AMER1: variants seen among roughly 807,000 people sequenced by gnomAD.
AMER1 encodes RP11-403E24.2.
AMER1 carries 16 observed loss-of-function variants against 53.0 expected under a neutral mutation model. The observed-to-expected ratio is 0.30, with a 90% confidence interval of 0.20 to 0.46. The LOEUF is 0.46. Among genes scored for constraint, AMER1 ranks in the 20% least tolerant of loss-of-function variants. The probability of loss-of-function intolerance (pLI) is 1.00; values close to 1 mark genes in which losing one functional copy is unlikely to be tolerated. For missense variants in AMER1, 947 were observed against 884.9 expected (o/e 1.07, Z -0.89); for synonymous variants, 354 against 331.9 (o/e 1.07, Z -0.73).
chrX:64,203,782 T>C (rs1440080076), intron 1 of AMER1, among the ~76,000 whole-genome samples: 5 of 111,378 alleles, frequency 4.5e-5, no homozygotes, highest in Non-Finnish European at 7.5e-5. Flanking sequence ...ATTAGGTGCC[T>C]GCTGGCCTGA....
chrX:64,198,520 T>C (rs1930422381), intron 1 of AMER1, among the ~76,000 whole-genome samples: 1 of 111,714 alleles, frequency 9.0e-6, no homozygotes. Flanking sequence ...AGTCTCAATT[T>C]CATGCCATTC....
At position 64,189,793 on chromosome X, in the gene AMER1, A is replaced by AGGGGGGGCCCC; in HGVS notation, c.*85_*86insGGGGCCCCCCC. The AGGGGGGGCCCC allele has an allele frequency of 3.4e-6, 1 of 292,065 alleles. No individual in the cohort carries two copies. Among genetic ancestry groups the AGGGGGGGCCCC allele is most frequent in the Non-Finnish European group, 4.9e-6 (1 of 204,823 alleles). The allele number at this position is 292,065 out of a possible 1,213,427, so 24.1% of individuals were successfully genotyped here. ...CAAAGGGTTTTCAAGTTAAACAACA[A>AGGGGGGGCCCC]CCCCCACCCCCCCACCCTTCTGCCC... is the stretch of plus-strand genomic sequence containing the variant. On this transcript the variant is annotated 3_prime_UTR_variant, in exon 2 of 2. Coordinates refer to ENST00000374869, the MANE Select transcript of AMER1 (RefSeq NM_152424.4).
Position 64,192,582 on chromosome X carries a change from A to T in AMER1, c.705T>A (p.Pro235=). 8.4e-7 allele frequency: 1 copy of T among 1,193,293 alleles called. No homozygotes were observed. The highest frequency in any genetic ancestry group is 1.1e-6 in the Non-Finnish European group (1 of 889,266). Residue 235 remains proline (P), a synonymous_variant, in exon 2 of 2, where the codon CCT becomes CCA. Transcript: ENST00000374869. ...CTGGTGTTGGAGAAACTTTTGGCCC[A>T]GGGGCATCTTGGGGGTTAGCATTTT... ...RKENANPQDA[P]GPKVSPTPEP...
chrX:64,191,319 C>A lies in AMER1; in HGVS notation c.1968G>T (p.Met656Ile), dbSNP rs2147087045. 1 of 1,211,784 alleles carries A rather than the reference C, an allele frequency of 8.3e-7. No homozygotes were observed. Among genetic ancestry groups the A allele is most frequent in the Non-Finnish European group, 1.1e-6 (1 of 895,529 alleles). Residue 656 changes from methionine (M) to isoleucine (I), a missense_variant, in exon 2 of 2, where the codon ATG (methionine) becomes ATT (isoleucine). Coordinates refer to ENST00000374869, the MANE Select transcript of AMER1 (RefSeq NM_152424.4). Reference sequence around the variant, plus strand: ...CCATCACTGATGGGCCTAAGGGCCTCATCTGATACTCTAAGACGGGCTTCT... The same window carrying A: ...CCATCACTGATGGGCCTAAGGGCCTAATCTGATACTCTAAGACGGGCTTCT... ...RQEKPVLEYQMRPLGPSVMGL... is the reference protein window; with the variant it reads ...RQEKPVLEYQIRPLGPSVMGL...
At position 64,188,872 on chromosome X, in the gene AMER1, G is replaced by A. The variant is rs192160710; in HGVS notation, c.*1007C>T. 1.6e-5 allele frequency: 13 copies of A among 804,258 alleles called. No individual in the cohort carries two copies. Among genetic ancestry groups the A allele is most frequent in the African/African-American group, 1.3e-4 (6 of 45,477 alleles). The allele number at this position is 804,258 out of a possible 1,213,427, so 66.3% of individuals were successfully genotyped here. A position where few individuals can be genotyped will look rare whatever the true frequency, so the allele number is the denominator to read the frequency against. On this transcript the variant is annotated 3_prime_UTR_variant, in exon 2 of 2. Transcript: ENST00000374869. ...CTTCCCTTATCTCAATTAAAAGACCGTGTTCCTTGTGATGAGATTATGAAA... is the reference window on the plus strand; with the variant it reads ...CTTCCCTTATCTCAATTAAAAGACCATGTTCCTTGTGATGAGATTATGAAA...
At position 64,193,146 on chromosome X, in the gene AMER1, G is replaced by A. The variant is rs187016794; in HGVS notation, c.141C>T (p.Ser47=). 17 of 1,210,292 alleles carry A rather than the reference G, an allele frequency of 1.4e-5. 1 individual carries two copies. The highest frequency in any genetic ancestry group is 8.8e-5 in the South Asian group (5 of 56,777). Residue 47 remains serine (S), a synonymous_variant, in exon 2 of 2, where the codon TCC becomes TCT. Coordinates refer to ENST00000374869, the MANE Select transcript of AMER1 (RefSeq NM_152424.4). Reference sequence around the variant, plus strand: ...CAGTTTTCTTCAGCCTACCTGGGCCGGATGAGGATGGCTCTGAGGTTGGTC... The same window carrying A: ...CAGTTTTCTTCAGCCTACCTGGGCCAGATGAGGATGGCTCTGAGGTTGGTC... The part of the protein sequence containing the change: ...TEGPTSEPSS[S]GPGRLKKTAM...
rs201053898 is a variant in AMER1, at chrX:64,191,258, A to G, written c.2029T>C (p.Ser677Pro). ...AAGVSGTSQI[S>P]HRGITSAFPT... is the part of the protein sequence containing the mutation. ...AAAGCTGAGGTAATTCCCCGGTGGG[A>G]AATCTGAGAGGTCCCTGATACCCCT... Residue 677 changes from serine (S) to proline (P), a missense_variant, in exon 2 of 2, where the codon TCC becomes CCC. Coordinates refer to ENST00000374869, the MANE Select transcript of AMER1 (RefSeq NM_152424.4). The G allele has an allele frequency of 5.8e-6, 7 of 1,209,828 alleles. No individual in the cohort carries two copies. In the Admixed American group the frequency reaches 1.5e-4, roughly 26 times the overall value.
Position 64,189,794 on chromosome X carries a change from C to CGGGCG in AMER1, c.*84_*85insCGCCC. On this transcript the variant is annotated 3_prime_UTR_variant, in exon 2 of 2. Transcript: ENST00000374869. ...AAAGGGTTTTCAAGTTAAACAACAA[C>CGGGCG]CCCCACCCCCCCACCCTTCTGCCCA... is the stretch of plus-strand genomic sequence containing the variant. 6 of 301,631 alleles carry CGGGCG rather than the reference C, an allele frequency of 2.0e-5. No homozygotes were observed. The highest frequency in any genetic ancestry group is 2.6e-5 in the Non-Finnish European group (6 of 232,709). 24.9% of individuals were successfully genotyped at this position (301,631 alleles called of 1,213,427 possible). A position where few individuals can be genotyped will look rare whatever the true frequency, so the allele number is the denominator to read the frequency against.
Position 64,189,792 on chromosome X carries a change from A to AGCGGGGGGGCCCCCCCCCC in AMER1, c.*86_*87insGGGGGGGGGGCCCCCCCGC. 1.3e-6 allele frequency: 1 copy of AGCGGGGGGGCCCCCCCCCC among 746,979 alleles called. No individual in the cohort carries two copies. The highest frequency in any genetic ancestry group is 1.7e-6 in the Non-Finnish European group (1 of 590,434). 61.6% of individuals were successfully genotyped at this position (746,979 alleles called of 1,213,427 possible). ...CCAAAGGGTTTTCAAGTTAAACAAC[A>AGCGGGGGGGCCCCCCCCCC]ACCCCCACCCCCCCACCCTTCTGCC... On this transcript the variant is annotated 3_prime_UTR_variant, in exon 2 of 2. Transcript: ENST00000374869.
intron 1 of AMER1, among the ~76,000 whole-genome samples, chrX:64,196,284 C>G (rs899947405): frequency 8.9e-6 from 1 of 112,096 alleles, no homozygotes. Context: ...CCTGCTGAGA[C>G]GCAGGTACTT....
rs1930228740 is a variant in AMER1, at chrX:64,190,781, C to A, written c.2506G>T (p.Ala836Ser). ...CCCAGCTCAAAGGCTTCCAAGGAGG[C>A]TGCAAGATCTTCATCATTGTGGAAC... is the stretch of plus-strand genomic sequence containing the variant. Reference protein sequence around the residue: ...PEFHNDEDLAASLEAFELGYY... With the variant: ...PEFHNDEDLASSLEAFELGYY... The change falls in exon 2 of 2, where the codon GCC (alanine) becomes TCC (serine). Residue 836 changes from alanine to serine, a missense_variant. Transcript: ENST00000374869. The A allele has an allele frequency of 2.5e-6, 3 of 1,208,905 alleles. No homozygotes were observed. Among genetic ancestry groups the A allele is most frequent in the Non-Finnish European group, 3.4e-6 (3 of 893,963 alleles).
rs749995763 is a variant in AMER1, at chrX:64,190,231, T to C, written c.3056A>G (p.Gln1019Arg). 2.6e-5 allele frequency: 32 copies of C among 1,210,362 alleles called. No homozygotes were observed. In the Admixed American group the frequency reaches 5.7e-4, roughly 21 times the overall value. The change falls in exon 2 of 2, where the codon CAA becomes CGA. Residue 1019 changes from glutamine (Q) to arginine (R), a missense_variant. Gln to Arg is a conservative substitution (Grantham distance 43). Transcript: ENST00000374869. Reference protein sequence around the residue: ...ESRAPGESGPQLARPSHLHLP... With the variant: ...ESRAPGESGPRLARPSHLHLP... Reference sequence around the variant, plus strand: ...GTGTAGGTGTGAGGGACGAGCTAGTTGAGGCCCAGATTCCCCAGGTGCCCT... The same window carrying C: ...GTGTAGGTGTGAGGGACGAGCTAGTCGAGGCCCAGATTCCCCAGGTGCCCT...
At position 64,185,214 on chromosome X, in the gene AMER1, T is replaced by C. The variant is rs1299446034; in HGVS notation, c.*4665A>G. 1 of 158,827 alleles carries C rather than the reference T, an allele frequency of 6.3e-6. No homozygotes were observed. Among genetic ancestry groups the C allele is most frequent in the Non-Finnish European group, 1.2e-5 (1 of 81,603 alleles). 13.1% of individuals were successfully genotyped at this position (158,827 alleles called of 1,213,427 possible). ...GGCAGTGCATCAAGATATCCAGATG[T>C]CAGTGAGAGCTAGAAGTGGAGAGGT... On this transcript the variant is annotated 3_prime_UTR_variant, in exon 2 of 2. Coordinates refer to ENST00000374869, the MANE Select transcript of AMER1 (RefSeq NM_152424.4).
Position 64,189,514 on chromosome X carries a change from G to GTGTGTGTGTATATA in AMER1, c.*364_*365insTATATACACACACA, listed in dbSNP as rs1205241247. 1.8e-4 allele frequency: 5 copies of GTGTGTGTGTATATA among 28,060 alleles called. No individual in the cohort carries two copies. The highest frequency in any genetic ancestry group is 8.4e-4 in the African/African-American group (5 of 5,949). 2.3% of individuals were successfully genotyped at this position (28,060 alleles called of 1,213,427 possible). On this transcript the variant is annotated 3_prime_UTR_variant, in exon 2 of 2. Coordinates refer to ENST00000374869, the MANE Select transcript of AMER1 (RefSeq NM_152424.4). ...TGTGTGTGTGTGTGTGTGTGTGTGTGTATATATATATATATATATATATAT... is the reference window on the plus strand; with the variant it reads ...TGTGTGTGTGTGTGTGTGTGTGTGTGTGTGTGTGTATATATATATATATATATATATATATATAT...
At chrX:64,198,427 A>G (rs1336620618) in intron 1 of AMER1, among the ~76,000 whole-genome samples, 5 of 111,600 alleles carry the variant, frequency 4.5e-5, no homozygotes, top group Non-Finnish European at 9.4e-5. Context: ...AGAGAAGGAA[A>G]CTGTGCCTAG....
chrX:64,203,594 T>C (rs1052456622), intron 1 of AMER1, among the ~76,000 whole-genome samples: 1 of 111,315 alleles, frequency 9.0e-6, no homozygotes, highest in South Asian at 3.8e-4. Context: ...CCAGGAGAAG[T>C]AGGCAGCCCT....
intron 1 of AMER1, among the ~76,000 whole-genome samples, chrX:64,202,683 G>A (rs1930513628): frequency 9.0e-6 from 1 of 111,701 alleles, no homozygotes; most frequent in Non-Finnish European, 1.9e-5. Context: ...TTTGGAGGTA[G>A]CCTGCCCGCA....
chrX:64,202,305 T>C (rs1006790191), intron 1 of AMER1, among the ~76,000 whole-genome samples: 3 of 111,725 alleles, frequency 2.7e-5, no homozygotes, highest in Non-Finnish European at 5.6e-5. Flanking sequence ...CTTATGAAGT[T>C]CCCAAGTTAA....
In AMER1 at chrX:64,189,720, G is replaced by A; in HGVS notation, c.*159C>T. ...GAACGTGGCCATAGATGGCAGAAGA[G>A]GCAAGTGGGAAAACCAAGGTGAAAA... On this transcript the variant is annotated 3_prime_UTR_variant, in exon 2 of 2. Coordinates refer to ENST00000374869, the MANE Select transcript of AMER1 (RefSeq NM_152424.4). 1 of 1,110,890 alleles carries A rather than the reference G, an allele frequency of 9.0e-7. No individual in the cohort carries two copies. Among genetic ancestry groups the A allele is most frequent in the Non-Finnish European group, 1.2e-6 (1 of 847,052 alleles). The allele number at this position is 1,110,890 out of a possible 1,213,427, so 91.5% of individuals were successfully genotyped here.
Sources: gnomAD v4.1 joint callset for allele counts (sites outside exome capture counted in the v4.1 genomes callset) on GRCh38, gnomAD v4.1.1 for gene constraint, MANE v1.5 for transcripts, NCBI Gene and HGNC (gene_info 2026-07-23, HGNC 2026-07-21) for gene names.